SSC5D: variants seen among roughly 807,000 people sequenced by gnomAD.
SSC5D encodes soluble scavenger receptor cysteine-rich domain-containing protein SSC5D.
Under a neutral mutation model 104.6 loss-of-function variants are expected in SSC5D, and 106 were observed. The observed-to-expected ratio is 1.01, with a 90% CI of 0.87 to 1.19. SSC5D has a LOEUF of 1.19. Among genes scored for constraint, SSC5D ranks in the 50% most tolerant of loss-of-function variants. SSC5D has a pLI of 0.00. For missense variants in SSC5D, 1,993 were observed against 2,153.8 expected, an observed-to-expected ratio of 0.93 and a Z score of 1.48; for synonymous variants, 860 against 883.5, an observed-to-expected ratio of 0.97 and a Z score of 0.47.
In SSC5D at chr19:55,517,824, C is replaced by A. The variant is rs76172483; in HGVS notation, c.3548C>A (p.Thr1183Lys). 1 of 1,396,348 alleles carries A rather than the reference C, an allele frequency of 7.2e-7. No individual in the cohort carries two copies. The highest frequency in any genetic ancestry group is 2.6e-5 in the East Asian group (1 of 38,438). The allele number at this position is 1,396,348 out of a possible 1,614,324, so 86.5% of individuals were successfully genotyped here. A position where few individuals can be genotyped will look rare whatever the true frequency, so the allele number is the denominator to read the frequency against. The change falls in exon 14 of 14, where the codon ACG becomes AAG. Residue 1183 changes from threonine to lysine, a missense_variant. Physicochemically the swap from Thr to Lys is moderately conservative, Grantham distance 78. Around this residue, in one of 6 missense-constraint regions of SSC5D, gnomAD observed 30 missense variants for 52.4 expected, o/e 0.57. Coordinates refer to ENST00000389623, the MANE Select transcript of SSC5D (RefSeq NM_001144950.2). ...TTCCCTACCACCCCTCACCCCACCACGACCCCTCACCCCACCACCATCACT... is the reference window on the plus strand; with the variant it reads ...TTCCCTACCACCCCTCACCCCACCAAGACCCCTCACCCCACCACCATCACT... The part of the protein sequence containing the change: ...PHFPTTPHPT[T>K]TPHPTTITHS...
intron 7 of SSC5D, among the ~76,000 whole-genome samples, chr19:55,494,252 C>T (rs1222310522): frequency 6.6e-6 from 1 of 152,156 alleles, no homozygotes; most frequent in African/African-American, 2.4e-5. Flanking sequence ...AACAGTCCAG[C>T]CCCAAATGGA....
chr19:55,493,984 G>C (rs1028473479), intron 7 of SSC5D, 72 bp downstream of exon 7: 2 of 296,532 alleles, frequency 6.7e-6, no homozygotes, highest in East Asian at 1.2e-4. Context: ...AGTTCGGCGG[G>C]GGCGGGGGGG....
At chr19:55,498,268 C>G in intron 9 of SSC5D, 71 bp downstream of exon 9, 4 of 1,483,450 alleles carry the variant, frequency 2.7e-6, no homozygotes, top group Admixed American at 2.0e-5. Context: ...AACATGGGCA[C>G]TAACATTGAT....
At position 55,499,844 on chromosome 19, in the gene SSC5D, C is replaced by T. The variant is rs1475219007; in HGVS notation, c.1734C>T (p.Asp578=). 5.2e-6 allele frequency: 8 copies of T among 1,551,646 alleles called. No homozygotes were observed. In the East Asian group the frequency reaches 2.0e-4, roughly 38 times the overall value. Residue 578 remains aspartate (D), a synonymous_variant, in exon 10 of 14, where the codon GAC becomes GAT. Transcript: ENST00000389623. ...CCCCAGGCCTGGACTCCATCTCAGACCCCTTCAGCTGGAGCTGGATTCCTG... is the reference window on the plus strand; with the variant it reads ...CCCCAGGCCTGGACTCCATCTCAGATCCCTTCAGCTGGAGCTGGATTCCTG... ...TGPPGLDSIS[D]PFSWSWIPGL... is the part of the protein sequence containing the mutation.
At chr19:55,499,230 G>A (rs28437101) in intron 9 of SSC5D, among the ~76,000 whole-genome samples, 31,419 of 152,180 alleles carry the variant, frequency 0.21, 3,704 homozygotes, top group East Asian at 0.46. Context: ...GGGAAAAGGC[G>A]AAACCTTTCT....
Position 55,489,918 on chromosome 19 carries a change from C to A in SSC5D, c.398C>A (p.Ser133Tyr). Reference protein sequence around the residue: ...RVANSRDDSTSPLDGAPWPGL... With the variant: ...RVANSRDDSTYPLDGAPWPGL... The stretch of plus-strand genomic sequence containing the variant: ...GCTAACTCCAGGGACGACTCAACAT[C>A]TCCCCTGGATGGGGCTCCCTGGCCA... Residue 133 changes from serine to tyrosine, a missense_variant, in exon 4 of 14, where the codon TCT becomes TAT. Transcript: ENST00000389623. 6.5e-7 allele frequency: 1 copy of A among 1,550,220 alleles called. No homozygotes were observed. The highest frequency in any genetic ancestry group is 8.7e-7 in the Non-Finnish European group (1 of 1,146,724).
intron 12 of SSC5D, 115 bp from the exon 13 acceptor site, chr19:55,512,896 G>T: frequency 1.6e-6 from 2 of 1,270,500 alleles, no homozygotes; most frequent in South Asian, 1.3e-5. Flanking sequence ...CTGCAGTGGC[G>T]GTGCAGTTGA....
chr19:55,494,806 A>G, intron 8 of SSC5D, 23 bp downstream of exon 8: 1 of 1,518,778 alleles, frequency 6.6e-7, no homozygotes, highest in South Asian at 1.2e-5. Flanking sequence ...ATGCTCCCCA[A>G]GAAAACAGGG....
chr19:55,493,621 G>T lies in SSC5D; in HGVS notation c.922G>T (p.Asp308Tyr). The change falls in exon 7 of 14, where the codon GAT becomes TAT. Residue 308 changes from aspartate to tyrosine, a missense_variant. Asp to Tyr is a radical substitution (Grantham distance 160). Transcript: ENST00000389623. Reference sequence around the variant, plus strand: ...CCCAGCACCTCGGCTGCGCCTGGCCGATGGCCCCCACGGGTGCGCCGGCCG... The same window carrying T: ...CCCAGCACCTCGGCTGCGCCTGGCCTATGGCCCCCACGGGTGCGCCGGCCG... ...TGPAPRLRLA[D>Y]GPHGCAGRLE... 4.1e-6 allele frequency: 6 copies of T among 1,475,570 alleles called. No homozygotes were observed. The highest frequency in any genetic ancestry group is 5.3e-5 in the East Asian group (2 of 37,634). 91.4% of individuals were successfully genotyped at this position (1,475,570 alleles called of 1,614,324 possible).
Position 55,493,852 on chromosome 19 carries a change from G to C in SSC5D, c.1153G>C (p.Ala385Pro). 6.5e-7 allele frequency: 1 copy of C among 1,549,308 alleles called. No individual in the cohort carries two copies. Among genetic ancestry groups the C allele is most frequent in the Non-Finnish European group, 8.7e-7 (1 of 1,146,682 alleles). ...CGAGACGGCCTTACGATTCTGCCCAGCTCGGCCCTGGGGCCAGCATGACTG... is the reference window on the plus strand; with the variant it reads ...CGAGACGGCCTTACGATTCTGCCCACCTCGGCCCTGGGGCCAGCATGACTG... ...GNETALRFCP[A>P]RPWGQHDCHH... The change falls in exon 7 of 14, where the codon GCT becomes CCT. Residue 385 changes from alanine (A) to proline (P), a missense_variant. Ala to Pro is a conservative substitution (Grantham distance 27). This residue lies in a region of SSC5D where 1,101 missense variants were observed against 1,085.0 expected (regional missense o/e 1.01). Coordinates refer to ENST00000389623, the MANE Select transcript of SSC5D (RefSeq NM_001144950.2).
chr19:55,512,974 G>T, intron 12 of SSC5D, 37 bp from the exon 13 acceptor site: 2 of 1,551,574 alleles, frequency 1.3e-6, no homozygotes, highest in Non-Finnish European at 1.7e-6. Flanking sequence ...TCAAAGGGAA[G>T]TTGGAAGACT....
intron 12 of SSC5D, 104 bp from the exon 13 acceptor site, chr19:55,512,907 G>A: frequency 1.4e-6 from 2 of 1,400,960 alleles, no homozygotes; most frequent in East Asian, 5.0e-5. Context: ...GTGCAGTTGA[G>A]ACGGGATGAT....
At position 55,490,993 on chromosome 19, in the gene SSC5D, G is replaced by A; in HGVS notation, c.808G>A (p.Gly270Arg). Residue 270 changes from glycine to arginine, a missense_variant, in exon 6 of 14, where the codon GGA (glycine) becomes AGA (arginine). Physicochemically the swap from Gly to Arg is moderately radical, Grantham distance 125. Transcript: ENST00000389623. Reference protein sequence around the residue: ...VWMDDVGCGGGEQALRDCPRS... With the variant: ...VWMDDVGCGGREQALRDCPRS... Reference sequence around the variant, plus strand: ...GATGGACGATGTGGGGTGTGGAGGAGGAGAACAGGCCCTCCGAGACTGCCC... The same window carrying A: ...GATGGACGATGTGGGGTGTGGAGGAAGAGAACAGGCCCTCCGAGACTGCCC... The A allele has an allele frequency of 1.3e-6, 2 of 1,549,358 alleles. No individual in the cohort carries two copies. Among genetic ancestry groups the A allele is most frequent in the Non-Finnish European group, 1.7e-6 (2 of 1,146,396 alleles).
rs1987796605 is a variant in SSC5D, at chr19:55,513,187, T to G, written c.2947+15T>G. On this transcript the variant is annotated intron_variant, in intron 13 of 13. Transcript: ENST00000389623. ...TGGAGACACAGGTGAGACACGTGGC[T>G]GGGGTGAGGAGACTGGGACGGTATT... 1 of 1,476,936 alleles carries G rather than the reference T, an allele frequency of 6.8e-7. No homozygotes were observed. The highest frequency in any genetic ancestry group is 2.5e-5 in the East Asian group (1 of 40,234). The allele number at this position is 1,476,936 out of a possible 1,614,324, so 91.5% of individuals were successfully genotyped here.
rs55837985 is a variant in SSC5D, at chr19:55,514,406, A to AAAT, written c.2947+1284_2947+1286dup. ...GGCAACAGAGTGAGACTCTGTCTCA[A>AAAT]AATAATAATAATAATAATAATAATA... On this transcript the variant is annotated intron_variant, in intron 13 of 13. Transcript: ENST00000389623. Among the ~76,000 whole-genome samples the AAAT allele has an allele frequency of 2.6e-3, 257 of 99,578 alleles. 1 individual carries two copies. Among genetic ancestry groups the AAAT allele is most frequent in the Middle Eastern group, 8.5e-3 (2 of 236 alleles). The allele number at this position is 99,578 out of a possible 152,430, so 65.3% of individuals were successfully genotyped here.
At chr19:55,517,102 C>G (rs1987887196) in intron 13 of SSC5D, 122 bp from the exon 14 acceptor site, 1 of 900,486 alleles carries the variant, frequency 1.1e-6, no homozygotes, top group African/African-American at 1.7e-5. Context: ...CTGCCGGTGA[C>G]CCATGACGTC....
Position 55,518,268 on chromosome 19 carries a change from C to T in SSC5D, c.3992C>T (p.Ser1331Phe), listed in dbSNP as rs1987938921. Residue 1331 changes from serine to phenylalanine, a missense_variant, in exon 14 of 14, where the codon TCC becomes TTC. By Grantham distance (155) the Ser-to-Phe change is radical. Coordinates refer to ENST00000389623, the MANE Select transcript of SSC5D (RefSeq NM_001144950.2). ...CCTCACCCCACAACTCCTGACCCTT[C>T]CTCAACCCCTGTCATCACTACTGTG... ...TTPHPTTPDP[S>F]STPVITTVSL... 1 of 1,550,868 alleles carries T rather than the reference C, an allele frequency of 6.4e-7. No homozygotes were observed. Among genetic ancestry groups the T allele is most frequent in the South Asian group, 1.2e-5 (1 of 83,988 alleles).
chr19:55,503,483 C>T lies in SSC5D; in HGVS notation c.2785+2282C>T, dbSNP rs938258093. ...CAGTCTCCCGCGTGCTCTCTTCTCT[C>T]TCCCCCTCGTTTCTCTCATGGTCAG... On this transcript the variant is annotated intron_variant, in intron 12 of 13. Transcript: ENST00000389623. This position sits in a 1 kb window ranked among gnomAD's most constrained non-coding sequence, Gnocchi z 4.0. 2.0e-4 allele frequency among the ~76,000 whole-genome samples: 30 copies of T among 152,068 alleles called. No homozygotes were observed. The highest frequency in any genetic ancestry group is 1.0e-4 in the Non-Finnish European group (7 of 68,012).
chr19:55,513,088 G>A lies in SSC5D; in HGVS notation c.2863G>A (p.Ala955Thr), dbSNP rs201884176. The change falls in exon 13 of 14, where the codon GCA becomes ACA. Residue 955 changes from alanine (A) to threonine (T), a missense_variant. By Grantham distance (58) the Ala-to-Thr change is moderately conservative. This residue lies in a region of SSC5D where 423 missense variants were observed against 409.2 expected (regional missense o/e 1.03). Transcript: ENST00000389623. ...GRGLAEGTPTAGKLGPTLGAG... is the reference protein window; with the variant it reads ...GRGLAEGTPTTGKLGPTLGAG... ...GGGCCTGGCTGAGGGGACCCCTACC[G>A]CAGGCAAACTAGGACCAACTCTTGG... 37 of 1,550,680 alleles carry A rather than the reference G, an allele frequency of 2.4e-5. No homozygotes were observed. The highest frequency in any genetic ancestry group is 1.4e-4 in the South Asian group (12 of 83,998).
Sources: allele counts gnomAD v4.1 joint callset (sites outside exome capture counted in the v4.1 genomes callset), GRCh38; gene constraint gnomAD v4.1.1; regional missense constraint gnomAD v4.1.1; non-coding constraint Gnocchi (gnomAD v3.1); transcripts MANE v1.5; gene names NCBI Gene and HGNC (gene_info 2026-07-23, HGNC 2026-07-21).